Variants in KAT6B observed in about 807,000 individuals in gnomAD.
The protein encoded by KAT6B is lysine acetyltransferase 6B.
A neutral mutation model predicts 187.5 loss-of-function variants in KAT6B; 10 were observed. That is an observed-to-expected ratio of 0.05 (90% CI 0.03 to 0.09). The LOEUF is 0.09. Among genes scored for constraint, KAT6B ranks in the 10% least tolerant of loss-of-function variants. KAT6B has a pLI of 1.00. For synonymous variants in KAT6B, 861 were observed against 926.8 expected, an observed-to-expected ratio of 0.93 and a Z score of 1.29; for missense variants, 1,952 against 2,558.9, an observed-to-expected ratio of 0.76 and a Z score of 5.12.
At chr10:74,888,640 G>T (rs758563724) in intron 3 of KAT6B, among the ~76,000 whole-genome samples, 35 of 152,188 alleles carry the variant, frequency 2.3e-4, no homozygotes, top group Non-Finnish European at 4.3e-4. Context: ...AAATTGTTCA[G>T]ACCTTTTTGG....
intron 3 of KAT6B, among the ~76,000 whole-genome samples, chr10:74,860,801 C>T (rs1339730567): frequency 1.3e-5 from 2 of 152,080 alleles, no homozygotes; most frequent in Non-Finnish European, 2.9e-5. Flanking sequence ...AGTTCGAGAC[C>T]AGCCTGGGAA....
chr10:75,001,715 C>T (rs1420035153), intron 13 of KAT6B, among the ~76,000 whole-genome samples: 1 of 152,154 alleles, frequency 6.6e-6, no homozygotes, highest in Non-Finnish European at 1.5e-5. Flanking sequence ...TAAGTAGAGA[C>T]TAAGTGGTTT....
At chr10:75,008,356 T>A (rs538917877) in intron 13 of KAT6B, among the ~76,000 whole-genome samples, 1 of 152,304 alleles carries the variant, frequency 6.6e-6, no homozygotes, top group Non-Finnish European at 1.5e-5. Flanking sequence ...TTGTGGTAGA[T>A]CTTTAGGCAC....
intron 9 of KAT6B, among the ~76,000 whole-genome samples, chr10:74,977,825 A>T (rs189232224): frequency 2.6e-5 from 4 of 152,342 alleles, no homozygotes; most frequent in Non-Finnish European, 4.4e-5. Flanking sequence ...TCCAACACAG[A>T]TGGCCAGCCA....
intron 3 of KAT6B, among the ~76,000 whole-genome samples, chr10:74,862,258 TC>T (rs928140314): frequency 4.6e-5 from 7 of 152,178 alleles, no homozygotes; most frequent in African/African-American, 7.2e-5. Context: ...GATCACCAAG[TC>T]CAGGGTTTTA....
At chr10:74,991,672 G>C (rs1465461570) in intron 13 of KAT6B, among the ~76,000 whole-genome samples, 1 of 152,144 alleles carries the variant, frequency 6.6e-6, no homozygotes, top group Non-Finnish European at 1.5e-5. Flanking sequence ...GCCCCTACTG[G>C]AGTGAGTTAA....
chr10:75,019,558 G>T (rs1310921200), intron 13 of KAT6B, among the ~76,000 whole-genome samples: 2 of 152,202 alleles, frequency 1.3e-5, no homozygotes, highest in East Asian at 3.8e-4. Context: ...GTATGATTTT[G>T]TCATTGCTGC....
intron 3 of KAT6B, among the ~76,000 whole-genome samples, chr10:74,866,603 T>C (rs1277725485): frequency 6.6e-6 from 1 of 151,872 alleles, no homozygotes; most frequent in Non-Finnish European, 1.5e-5. Flanking sequence ...AAAAAAGGAG[T>C]CTATATCATT....
At chr10:74,945,039 A>G (rs1356590621) in intron 3 of KAT6B, among the ~76,000 whole-genome samples, 2 of 152,160 alleles carry the variant, frequency 1.3e-5, no homozygotes, top group African/African-American at 4.8e-5. Context: ...CCCAAGATAA[A>G]TGAAAACATG....
rs754365351 is a variant in KAT6B, at chr10:74,843,440, C to A, written c.583C>A (p.Leu195Ile). 6.2e-7 allele frequency: 1 copy of A among 1,613,970 alleles called. No individual in the cohort carries two copies. The part of the protein sequence containing the change: ...PQYPSAFPSS[L>I]PPVSLLPHEK... ...GTATCCCAGTGCATTCCCATCCTCGCTCCCACCTGTCAGCCTTCTACCCCA... is the reference window on the plus strand; with the variant it reads ...GTATCCCAGTGCATTCCCATCCTCGATCCCACCTGTCAGCCTTCTACCCCA... Residue 195 changes from leucine (L) to isoleucine (I), a missense_variant, in exon 3 of 18, where the codon CTC becomes ATC. Leu to Ile is a conservative substitution (Grantham distance 5). Coordinates refer to ENST00000287239, the MANE Select transcript of KAT6B (RefSeq NM_012330.4).
At chr10:74,896,121 GC>G (rs1460444315) in intron 3 of KAT6B, among the ~76,000 whole-genome samples, 1 of 151,968 alleles carries the variant, frequency 6.6e-6, no homozygotes, top group Non-Finnish European at 1.5e-5. Context: ...CTTAGGTACA[GC>G]CCAGGTTAGC....
intron 3 of KAT6B, among the ~76,000 whole-genome samples, chr10:74,894,853 C>T (rs1331079068): frequency 6.6e-6 from 1 of 152,102 alleles, no homozygotes; most frequent in African/African-American, 2.4e-5. Flanking sequence ...CTTTCGGCTC[C>T]TGTGAACACT....
chr10:74,868,766 A>C (rs1456516634), intron 3 of KAT6B, among the ~76,000 whole-genome samples: 1 of 152,150 alleles, frequency 6.6e-6, no homozygotes, highest in Non-Finnish European at 1.5e-5. Flanking sequence ...CCGTTTATAT[A>C]TGCTCTTTCA....
intron 3 of KAT6B, among the ~76,000 whole-genome samples, chr10:74,919,316 T>G (rs1384135721): frequency 6.6e-6 from 1 of 152,220 alleles, no homozygotes; most frequent in Non-Finnish European, 1.5e-5. Flanking sequence ...TTATTTATTC[T>G]GCTAGGTATC....
intron 3 of KAT6B, among the ~76,000 whole-genome samples, chr10:74,956,384 A>G (rs1321432363): frequency 6.6e-6 from 1 of 152,188 alleles, no homozygotes; most frequent in South Asian, 2.1e-4. Context: ...TTGTAAAGGT[A>G]CCTTTTCCCC....
At chr10:75,014,292 T>C (rs1228576067) in intron 13 of KAT6B, among the ~76,000 whole-genome samples, 3 of 152,062 alleles carry the variant, frequency 2.0e-5, no homozygotes, top group African/African-American at 7.2e-5. Context: ...CTGGGCAACA[T>C]AGGGAGACCC....
intron 7 of KAT6B, among the ~76,000 whole-genome samples, chr10:74,973,025 T>G (rs1343130994): frequency 6.6e-6 from 1 of 152,192 alleles, no homozygotes; most frequent in Non-Finnish European, 1.5e-5. Flanking sequence ...GCAAATCTCT[T>G]TTGTCACTCC....
chr10:74,844,637 C>T (rs1026487183), intron 3 of KAT6B, among the ~76,000 whole-genome samples: 4 of 152,148 alleles, frequency 2.6e-5, no homozygotes, highest in African/African-American at 9.7e-5. Flanking sequence ...TTTTAAAATA[C>T]TCTGATTTCT....
chr10:74,986,495 T>G (rs1222047790), intron 12 of KAT6B, among the ~76,000 whole-genome samples: 5 of 152,224 alleles, frequency 3.3e-5, no homozygotes, highest in African/African-American at 4.8e-5. Context: ...AGAATATATG[T>G]GAAGGTACTT....
Sources: allele counts gnomAD v4.1 joint callset (sites outside exome capture counted in the v4.1 genomes callset), GRCh38; gene constraint gnomAD v4.1.1; transcripts MANE v1.5; gene names NCBI Gene and HGNC (gene_info 2026-07-23, HGNC 2026-07-21).